Variants in SLIT3 observed in about 807,000 individuals in gnomAD.
SLIT3 encodes slit guidance ligand 3.
A neutral mutation model predicts 184.0 loss-of-function variants in SLIT3; 68 were observed. The observed-to-expected ratio is 0.37, with a 90% CI of 0.30 to 0.45. SLIT3 has a LOEUF of 0.45. SLIT3 is among the 20% of genes least tolerant of loss of function. The pLI is 1.00. For synonymous variants in SLIT3, 831 were observed against 828.6 expected (o/e 1.00, Z -0.05); for missense variants, 1,707 against 2,026.0 (o/e 0.84, Z 3.02).
chr5:168,878,517 A>T (rs13187536), intron 5 of SLIT3, among the ~76,000 whole-genome samples: 57,147 of 152,006 alleles, frequency 0.38, 10,809 homozygotes, highest in East Asian at 0.39. Flanking sequence ...TCCTGTTTGC[A>T]GGCATGGCTG....
At chr5:169,102,201 G>A (rs1760044836) in intron 4 of SLIT3, among the ~76,000 whole-genome samples, 1 of 152,208 alleles carries the variant, frequency 6.6e-6, no homozygotes, top group African/African-American at 2.4e-5. Context: ...GTGTTGGGGT[G>A]GGGATGAGAA....
chr5:168,946,282 C>T (rs1241262241), intron 4 of SLIT3, among the ~76,000 whole-genome samples: 1 of 152,228 alleles, frequency 6.6e-6, no homozygotes, highest in Non-Finnish European at 1.5e-5. Flanking sequence ...CCCCAGTCCT[C>T]TCAGCCTCCC....
intron 1 of SLIT3, among the ~76,000 whole-genome samples, chr5:169,264,025 G>C (rs1176376295): frequency 6.6e-6 from 1 of 150,666 alleles, no homozygotes; most frequent in African/African-American, 2.4e-5. Context: ...AATGTTTTCT[G>C]GAGTAAACAT....
At chr5:168,677,214 C>T (rs1332956304) in intron 32 of SLIT3, among the ~76,000 whole-genome samples, 2 of 152,232 alleles carry the variant, frequency 1.3e-5, no homozygotes, top group African/African-American at 4.8e-5. Context: ...CATATCACTT[C>T]TGTAAGCCCC....
intron 4 of SLIT3, among the ~76,000 whole-genome samples, chr5:169,089,042 AAAAAAAAAAAAAAG>A (rs1759457088): frequency 1.4e-5 from 2 of 145,282 alleles, no homozygotes; most frequent in African/African-American, 5.3e-5. Context: ...AAAAAAAAAA[AAAAAAAAAAAAAAG>A]AAGTGCTGAC....
chr5:168,701,938 AGGCCTT>A (rs1762229307), intron 26 of SLIT3, among the ~76,000 whole-genome samples: 1 of 152,252 alleles, frequency 6.6e-6, no homozygotes. Flanking sequence ...ACTGGGCTGA[AGGCCTT>A]GGGCCCAGGA....
chr5:168,872,483 T>C (rs1212935543), intron 5 of SLIT3, among the ~76,000 whole-genome samples: 1 of 152,104 alleles, frequency 6.6e-6, no homozygotes, highest in Admixed American at 6.5e-5. Flanking sequence ...AGAGAAACTG[T>C]ATGGTTGTGT....
intron 20 of SLIT3, among the ~76,000 whole-genome samples, chr5:168,746,062 A>C (rs2113446075): frequency 6.6e-6 from 1 of 152,360 alleles, no homozygotes; most frequent in South Asian, 2.1e-4. Context: ...AGACTACGGT[A>C]TAGTATAAAC....
intron 3 of SLIT3, among the ~76,000 whole-genome samples, chr5:169,209,709 C>T (rs76097824): frequency 6.6e-6 from 1 of 152,158 alleles, no homozygotes; most frequent in African/African-American, 2.4e-5. Flanking sequence ...GAAAACCAAA[C>T]ACCACATGTT....
intron 5 of SLIT3, among the ~76,000 whole-genome samples, chr5:168,876,219 C>A (rs1436226501): frequency 6.6e-6 from 1 of 152,154 alleles, no homozygotes; most frequent in Non-Finnish European, 1.5e-5. Flanking sequence ...ACTTTACTTG[C>A]TCGATTTAGG....
chr5:168,752,857 A>G (rs1754762773), intron 18 of SLIT3, 98 bp downstream of exon 18: 2 of 1,241,206 alleles, frequency 1.6e-6, no homozygotes, highest in South Asian at 1.4e-5. Flanking sequence ...GGACAGACAG[A>G]TAGATGAGCC....
chr5:168,707,086 G>A (rs1762394012), intron 26 of SLIT3: 1 of 152,258 alleles, frequency 6.6e-6, no homozygotes, highest in Non-Finnish European at 1.5e-5. Context: ...AGCTATCCAG[G>A]AAACCCTCCA....
rs532336545 is a variant in SLIT3, at chr5:168,762,759, G to A, written c.1460-70C>T. 6 of 1,516,924 alleles carry A rather than the reference G, an allele frequency of 4.0e-6. No individual in the cohort carries two copies. The East Asian group carries it at 1.4e-4, about 35-fold the overall frequency. 94.0% of individuals were successfully genotyped at this position (1,516,924 alleles called of 1,614,324 possible). On this transcript the variant is annotated intron_variant, in intron 14 of 35. Coordinates refer to ENST00000519560, the MANE Select transcript of SLIT3 (RefSeq NM_003062.4). ...CGCACAGCCCCAGGTTGTGGGTAGT[G>A]GGGGTGGGAGACAGAGATGGGGGAA...
intron 4 of SLIT3, among the ~76,000 whole-genome samples, chr5:169,129,818 G>A (rs1761225210): frequency 6.6e-6 from 1 of 150,598 alleles, no homozygotes. Context: ...AGTTTCTTTG[G>A]TGGTTTTTTT....
chr5:169,140,191 G>T (rs180884721), intron 4 of SLIT3, among the ~76,000 whole-genome samples: 10 of 151,762 alleles, frequency 6.6e-5, no homozygotes, highest in African/African-American at 2.4e-4. Context: ...GGGGCCAGGT[G>T]CGGTGGCTCA....
At chr5:168,708,155 A>G in intron 25 of SLIT3, 55 bp from the exon 26 acceptor site, 4 of 1,612,332 alleles carry the variant, frequency 2.5e-6, no homozygotes, top group Non-Finnish European at 3.4e-6. Flanking sequence ...TCACTGCCAT[A>G]CCTCCCTTCC....
intron 6 of SLIT3, among the ~76,000 whole-genome samples, chr5:168,824,309 A>G (rs535940028): frequency 5.3e-5 from 8 of 152,326 alleles, no homozygotes; most frequent in Non-Finnish European, 7.4e-5. Context: ...CTCTACGACC[A>G]TGAACGGAGC....
intron 4 of SLIT3, among the ~76,000 whole-genome samples, chr5:168,944,769 C>T (rs973330244): frequency 3.9e-5 from 6 of 152,122 alleles, no homozygotes; most frequent in Admixed American, 6.5e-5. Context: ...GGGTGAAAGT[C>T]GTGAGCAAGT....
intron 3 of SLIT3, among the ~76,000 whole-genome samples, chr5:169,208,467 G>A (rs1424174604): frequency 6.6e-6 from 1 of 152,008 alleles, no homozygotes. Context: ...AAAAGAGCCT[G>A]TATAGCCAAG....
Sources: gnomAD v4.1 joint callset for allele counts (sites outside exome capture counted in the v4.1 genomes callset) on GRCh38, gnomAD v4.1.1 for gene constraint, MANE v1.5 for transcripts, NCBI Gene and HGNC (gene_info 2026-07-23, HGNC 2026-07-21) for gene names.